Variants in PLEKHG7 observed in about 807,000 individuals in gnomAD.
PLEKHG7 encodes pleckstrin homology domain-containing family G member 7.
A neutral mutation model predicts 85.2 loss-of-function variants in PLEKHG7; 77 were observed. The observed-to-expected ratio is 0.90, with a 90% CI of 0.75 to 1.09. The LOEUF (loss-of-function observed/expected upper bound fraction) is 1.09, where lower values mean the gene tolerates loss of function less well. Ranked by LOEUF, PLEKHG7 falls within the 50% of genes least tolerant of loss-of-function variation. The pLI, the probability that PLEKHG7 is intolerant of heterozygous loss-of-function variation, is 0.00. For synonymous variants in PLEKHG7, 301 were observed against 302.4 expected, an observed-to-expected ratio of 1.00 and a Z score of 0.05; for missense variants, 777 against 804.3, an observed-to-expected ratio of 0.97 and a Z score of 0.41.
chr12:92,750,599 A>G (rs1872664621), intron 10 of PLEKHG7, among the ~76,000 whole-genome samples: 2 of 152,186 alleles, frequency 1.3e-5, no homozygotes, highest in African/African-American at 2.4e-5. Context: ...TTGGGAGGAC[A>G]GGGGCCTAAC....
intron 10 of PLEKHG7, among the ~76,000 whole-genome samples, chr12:92,752,259 CA>C (rs1872712146): frequency 6.6e-6 from 1 of 152,138 alleles, no homozygotes; most frequent in South Asian, 2.1e-4. Context: ...CCCCTCTTCA[CA>C]ACCCAAAATC....
intron 15 of PLEKHG7, among the ~76,000 whole-genome samples, chr12:92,765,880 G>T (rs1197729573): frequency 6.6e-6 from 1 of 152,150 alleles, no homozygotes; most frequent in Non-Finnish European, 1.5e-5. Flanking sequence ...GAGCAGAAGG[G>T]AAGCCTGTAT....
At chr12:92,720,756 G>A (rs1483629116) in intron 3 of PLEKHG7, among the ~76,000 whole-genome samples, 1 of 152,142 alleles carries the variant, frequency 6.6e-6, no homozygotes, top group Non-Finnish European at 1.5e-5. Context: ...AAGGCCATAT[G>A]CACATGTTCC....
intron 3 of PLEKHG7, among the ~76,000 whole-genome samples, chr12:92,710,003 T>A (rs754064344): frequency 2.0e-5 from 3 of 152,204 alleles, no homozygotes; most frequent in Non-Finnish European, 2.9e-5. Flanking sequence ...AACTTCAGTT[T>A]AATGGAAACT....
chr12:92,707,905 T>C (rs2136568740), intron 3 of PLEKHG7: 1 of 609,668 alleles, frequency 1.6e-6, no homozygotes, highest in African/African-American at 1.8e-5. Context: ...AGTCATAGTT[T>C]TCATTTTGAA....
intron 3 of PLEKHG7, among the ~76,000 whole-genome samples, chr12:92,715,042 A>AGAT (rs1261153096): frequency 1.3e-5 from 2 of 151,940 alleles, no homozygotes; most frequent in Non-Finnish European, 2.9e-5. Flanking sequence ...ATAGATAGAT[A>AGAT]GATAGATAGA....
intron 4 of PLEKHG7, 92 bp from the exon 5 acceptor site, chr12:92,732,141 T>A: frequency 1.4e-6 from 1 of 703,678 alleles, no homozygotes; most frequent in Non-Finnish European, 2.0e-6. Flanking sequence ...TTTGGCTAAT[T>A]TTCAAAAAGC....
chr12:92,752,506 G>A (rs935071077), intron 10 of PLEKHG7, among the ~76,000 whole-genome samples: 2 of 152,124 alleles, frequency 1.3e-5, no homozygotes, highest in Non-Finnish European at 2.9e-5. Context: ...GTGGGGGGTT[G>A]AGCTAATTGT....
In PLEKHG7 at chr12:92,715,391, A is replaced by T. The variant is rs535057593; in HGVS notation, c.530+7719A>T. ...CAACACCTTCACAGATACACCCAGG[A>T]TCAATACTTTGCATCCTTCAATCCA... is the stretch of plus-strand genomic sequence containing the variant. On this transcript the variant is annotated intron_variant, in intron 3 of 16. Transcript: ENST00000344636. 2.0e-4 allele frequency among the ~76,000 whole-genome samples: 31 copies of T among 152,300 alleles called. 1 individual carries two copies. In the South Asian group the frequency reaches 6.4e-3, roughly 32 times the overall value.
chr12:92,712,890 C>A (rs1271875571), intron 3 of PLEKHG7, among the ~76,000 whole-genome samples: 1 of 152,146 alleles, frequency 6.6e-6, no homozygotes, highest in Non-Finnish European at 1.5e-5. Context: ...CCTCCATAAG[C>A]CCCTACTTTA....
intron 10 of PLEKHG7, among the ~76,000 whole-genome samples, chr12:92,749,188 C>A (rs1486004619): frequency 2.0e-5 from 3 of 152,198 alleles, no homozygotes; most frequent in African/African-American, 7.2e-5. Context: ...ACCCTCCACA[C>A]CACATGAGGC....
At chr12:92,728,910 T>G in intron 3 of PLEKHG7, 83 bp from the exon 4 acceptor site, 1 of 1,102,964 alleles carries the variant, frequency 9.1e-7, no homozygotes, top group Non-Finnish European at 1.1e-6. Context: ...ACATCTGTTG[T>G]TTTTTTACTT....
At chr12:92,727,360 C>T (rs1413544338) in intron 3 of PLEKHG7, among the ~76,000 whole-genome samples, 2 of 152,118 alleles carry the variant, frequency 1.3e-5, no homozygotes, top group African/African-American at 4.8e-5. Flanking sequence ...ACCCATAACC[C>T]AAATATTGAA....
rs151001444 is a variant in PLEKHG7, at chr12:92,764,074, C to G, written c.1750C>G (p.Pro584Ala). ...AGGCTCAGACCCTGGTTTAATGTGT[C>G]CTTCTCTTACTCCTGAGTTGCAAGC... ...LGGSDPGLMC[P>A]SLTPELQAVI... Residue 584 changes from proline to alanine, a missense_variant, in exon 15 of 17, where the codon CCT becomes GCT. Physicochemically the swap from Pro to Ala is conservative, Grantham distance 27. This residue lies in a region of PLEKHG7 where 520 missense variants were observed against 544.0 expected (regional missense o/e 0.96). Transcript: ENST00000344636. 1.9e-5 allele frequency: 30 copies of G among 1,611,836 alleles called. No individual in the cohort carries two copies. The African/African-American group carries it at 2.8e-4, about 15-fold the overall frequency.
chr12:92,748,973 G>A (rs374835977), intron 10 of PLEKHG7, among the ~76,000 whole-genome samples: 3 of 152,222 alleles, frequency 2.0e-5, no homozygotes, highest in South Asian at 4.1e-4. Context: ...TATTGTTCCC[G>A]TTTTTCAGGA....
chr12:92,762,930 A>G (rs974134829), intron 14 of PLEKHG7, among the ~76,000 whole-genome samples: 2 of 152,178 alleles, frequency 1.3e-5, no homozygotes, highest in Admixed American at 1.3e-4. Context: ...GAGAATATTA[A>G]GAGTCATAGT....
At chr12:92,739,708 AC>A (rs1872292178) in intron 7 of PLEKHG7, among the ~76,000 whole-genome samples, 1 of 152,202 alleles carries the variant, frequency 6.6e-6, no homozygotes, top group Admixed American at 6.5e-5. Flanking sequence ...ATACTGGAAG[AC>A]TCAGTATTTT....
chr12:92,754,215 T>G lies in PLEKHG7; in HGVS notation c.1377T>G (p.Ala459=), dbSNP rs1242628657. 2.5e-6 allele frequency: 4 copies of G among 1,613,914 alleles called. No individual in the cohort carries two copies. Residue 459 remains alanine, a synonymous_variant, in exon 11 of 17, where the codon GCT becomes GCG. Coordinates refer to ENST00000344636, the MANE Select transcript of PLEKHG7 (RefSeq NM_001377329.1). ...KNIWKRSMDS[A]EKIMIYSIKE... is the part of the protein sequence containing the mutation. ...TCTGGAAAAGGAGCATGGACTCTGC[T>G]GAGAAAATCATGATCTACTCCATCA... is the stretch of plus-strand genomic sequence containing the variant.
At chr12:92,766,529 A>G (rs183350279) in intron 15 of PLEKHG7, among the ~76,000 whole-genome samples, 3 of 151,510 alleles carry the variant, frequency 2.0e-5, no homozygotes, top group African/African-American at 7.3e-5. Flanking sequence ...TTTTTTTTTA[A>G]TTAAAAGATC....
Sources: allele counts gnomAD v4.1 joint callset (sites outside exome capture counted in the v4.1 genomes callset), GRCh38; gene constraint gnomAD v4.1.1; regional missense constraint gnomAD v4.1.1; transcripts MANE v1.5; gene names NCBI Gene and HGNC (gene_info 2026-07-23, HGNC 2026-07-21).